MGAM: variants seen among roughly 807,000 people sequenced by gnomAD.
The protein encoded by MGAM is alpha-1,4-glucosidase.
A neutral mutation model predicts 358.8 loss-of-function variants in MGAM; 253 were observed. The ratio of observed to expected loss-of-function variants is 0.71; its 90% CI spans 0.64 to 0.78. The LOEUF (loss-of-function observed/expected upper bound fraction) is 0.78, where lower values mean the gene tolerates loss of function less well. Among genes scored for constraint, MGAM ranks in the 30% least tolerant of loss-of-function variants. The probability of loss-of-function intolerance (pLI) is 0.00; values close to 1 mark genes in which losing one functional copy is unlikely to be tolerated. For missense variants in MGAM, 3,080 were observed against 3,432.6 expected, an observed-to-expected ratio of 0.90 and a Z score of 2.57; for synonymous variants, 1,105 against 1,227.1, an observed-to-expected ratio of 0.90 and a Z score of 2.08.
rs777212265 is a variant in MGAM at position 142,082,603 on chromosome 7, G to A, written c.6268+32G>A. 4 of 1,407,676 alleles carry A rather than the reference G, an allele frequency of 2.8e-6. 1 individual carries two copies. Among genetic ancestry groups the A allele is most frequent in the Non-Finnish European group, 3.9e-6 (4 of 1,024,440 alleles). The allele number at this position is 1,407,676 out of a possible 1,614,324, so 87.2% of individuals were successfully genotyped here. On this transcript the variant is annotated intron_variant, in intron 52 of 70. Coordinates refer to ENST00000475668, the MANE Select transcript of MGAM (RefSeq NM_001365693.1). ...CCATCCAGCGCCTCCCTTATTTTGG[G>A]GGGATACCAGTCATGCCTGAGTCAG...
intron 3 of MGAM, among the ~76,000 whole-genome samples, chr7:142,011,174 A>G (rs1805564443): frequency 1.3e-5 from 2 of 152,202 alleles, no homozygotes; most frequent in Admixed American, 6.5e-5. Flanking sequence ...GGTAATCTCA[A>G]TAATTTGAGA....
chr7:142,080,379 C>T (rs1357790795), intron 49 of MGAM, among the ~76,000 whole-genome samples: 1 of 146,464 alleles, frequency 6.8e-6, no homozygotes, highest in Non-Finnish European at 1.5e-5. Context: ...TAGATACCAC[C>T]TTCAGCAAGG....
Position 142,050,238 on chromosome 7 carries a change from C to T in MGAM, c.2591C>T (p.Thr864Ile), listed in dbSNP as rs752451969. The stretch of plus-strand genomic sequence containing the variant: ...CTTGTCTTTCTCTCACTTTCAGATA[C>T]TGTGGCCAATAAAGTGTATCTTTTA... ...LFWDNGETKDTVANKVYLLCE... is the reference protein window; with the variant it reads ...LFWDNGETKDIVANKVYLLCE... Residue 864 changes from threonine to isoleucine, a missense_variant, in exon 23 of 71, where the codon ACT (threonine) becomes ATT (isoleucine). Physicochemically the swap from Thr to Ile is moderately conservative, Grantham distance 89. Coordinates refer to ENST00000475668, the MANE Select transcript of MGAM (RefSeq NM_001365693.1). 6.2e-7 allele frequency: 1 copy of T among 1,613,744 alleles called. No individual in the cohort carries two copies. Among genetic ancestry groups the T allele is most frequent in the South Asian group, 1.1e-5 (1 of 91,080 alleles).
chr7:142,052,585 A>G (rs2961084), intron 25 of MGAM, 139 bp downstream of exon 25: 448,878 of 1,332,150 alleles, frequency 0.34, 80,998 homozygotes, highest in Non-Finnish European at 0.37. Flanking sequence ...AGATGTGACA[A>G]GTAGGTGGGG....
In MGAM at chr7:142,074,183, G is replaced by A. The variant is rs762600588; in HGVS notation, c.5275+10G>A. The A allele has an allele frequency of 6.6e-7, 1 of 1,506,052 alleles. No homozygotes were observed. Among genetic ancestry groups the A allele is most frequent in the South Asian group, 1.1e-5 (1 of 87,410 alleles). The allele number at this position is 1,506,052 out of a possible 1,614,324, so 93.3% of individuals were successfully genotyped here. ...GATGGGCAAACAAAGGGTGAGCGCT[G>A]TTACAATAATGTTGCTGTTTCCCAA... On this transcript the variant is annotated intron_variant, in intron 45 of 70. Coordinates refer to ENST00000475668, the MANE Select transcript of MGAM (RefSeq NM_001365693.1).
At chr7:141,986,806 C>A (rs1554446302) in intron 2 of MGAM, among the ~76,000 whole-genome samples, 2 of 152,108 alleles carry the variant, frequency 1.3e-5, no homozygotes, top group Non-Finnish European at 1.5e-5. Context: ...CAAGAAAATG[C>A]ATTATGACCC....
At position 142,052,277 on chromosome 7, in the gene MGAM, T is replaced by C. The variant is rs372460988; in HGVS notation, c.2806-17T>C. On this transcript the variant is annotated splice_polypyrimidine_tract_variant and intron_variant, in intron 24 of 70. Transcript: ENST00000475668. ...CTCCTAAAGATGAATTTCCTTATGA[T>C]TTCCACATTCCTACAGGTTGCCATT... The C allele has an allele frequency of 6.9e-6, 11 of 1,583,074 alleles. No individual in the cohort carries two copies. In the African/African-American group the frequency reaches 1.5e-4, roughly 21 times the overall value.
intron 36 of MGAM, 30 bp from the exon 37 acceptor site, chr7:142,064,354 G>C: frequency 1.9e-6 from 3 of 1,592,572 alleles, no homozygotes; most frequent in Non-Finnish European, 2.6e-6. Context: ...ATCAGGGCTG[G>C]GTTTCACCTC....
At chr7:142,056,118 T>A in intron 29 of MGAM, 22 bp downstream of exon 29, 3 of 1,576,956 alleles carry the variant, frequency 1.9e-6, no homozygotes, top group Non-Finnish European at 2.6e-6. Context: ...AGCACCTCCC[T>A]TATTTTGGGG....
At chr7:142,052,223 A>G (rs1811050303) in intron 24 of MGAM, 71 bp from the exon 25 acceptor site, 2 of 1,365,646 alleles carry the variant, frequency 1.5e-6, no homozygotes, top group African/African-American at 2.9e-5. Context: ...TTTTATCGAA[A>G]AAAAAACCTC....
chr7:142,036,030 T>C (rs1294386298), intron 16 of MGAM, 139 bp from the exon 17 acceptor site: 5 of 629,018 alleles, frequency 7.9e-6, no homozygotes, highest in Non-Finnish European at 1.4e-5. Context: ...GGACACAGGC[T>C]ATGACCAAAT....
intron 18 of MGAM, 136 bp from the exon 19 acceptor site, chr7:142,038,395 G>A (rs1584961006): frequency 1.6e-6 from 1 of 638,802 alleles, no homozygotes; most frequent in Admixed American, 2.6e-5. Context: ...GGCTTGAGTA[G>A]GTGTCACAGA....
intron 1 of MGAM, among the ~76,000 whole-genome samples, chr7:142,001,306 G>A (rs1804714876): frequency 6.6e-6 from 1 of 152,146 alleles, no homozygotes; most frequent in South Asian, 2.1e-4. Context: ...ACTAACAGCA[G>A]TTTCTTATCA....
chr7:142,086,036 A>G (rs1177768675), intron 55 of MGAM, 75 bp downstream of exon 55: 1 of 1,515,158 alleles, frequency 6.6e-7, no homozygotes, highest in Admixed American at 1.8e-5. Context: ...GTTATACTTT[A>G]TTTCCATGTT....
chr7:142,063,044 C>A (rs533006959), intron 35 of MGAM, among the ~76,000 whole-genome samples: 2 of 152,230 alleles, frequency 1.3e-5, no homozygotes, highest in South Asian at 4.1e-4. Context: ...ACTAAAAATA[C>A]AAAATTAGTT....
chr7:142,055,884 T>A, intron 28 of MGAM, 116 bp from the exon 29 acceptor site: 1 of 1,448,480 alleles, frequency 6.9e-7, no homozygotes, highest in Non-Finnish European at 9.4e-7. Context: ...GTTTAGTTTA[T>A]GTGTCTAGTT....
intron 7 of MGAM, 112 bp downstream of exon 7, chr7:142,022,551 T>C: frequency 1.7e-6 from 2 of 1,163,818 alleles, no homozygotes; most frequent in Non-Finnish European, 2.3e-6. Context: ...TGAGACTACC[T>C]GGCTTTGAAT....
At position 142,021,071 on chromosome 7, in the gene MGAM, T is replaced by G. The variant is rs782555875; in HGVS notation, c.546T>G (p.Arg182=). The G allele has an allele frequency of 7.5e-6, 12 of 1,604,474 alleles. No individual in the cohort carries two copies. In the South Asian group the frequency reaches 1.3e-4, roughly 18 times the overall value. Residue 182 remains arginine (R), a synonymous_variant, in exon 5 of 71, where the codon CGT becomes CGG. Transcript: ENST00000475668. The part of the protein sequence containing the change: ...LLTAEYQTSN[R]FHFKLTDQTN... ...CAGCAGAATATCAGACATCTAATCG[T>G]TTCCACTTTAAGGTTGTAATTTGTT...
At chr7:142,029,788 T>C (rs905966191) in intron 10 of MGAM, among the ~76,000 whole-genome samples, 4 of 152,214 alleles carry the variant, frequency 2.6e-5, no homozygotes, top group Non-Finnish European at 5.9e-5. Flanking sequence ...AGTAGTCTTC[T>C]AGAATAATCC....
Sources: gnomAD v4.1 joint callset for allele counts (sites outside exome capture counted in the v4.1 genomes callset) on GRCh38, gnomAD v4.1.1 for gene constraint, MANE v1.5 for transcripts, NCBI Gene and HGNC (gene_info 2026-07-23, HGNC 2026-07-21) for gene names.